PRKCE: variants seen among roughly 807,000 people sequenced by gnomAD.
PRKCE encodes the protein protein kinase C epsilon, also known as protein kinase C epsilon type.
A neutral mutation model predicts 85.4 loss-of-function variants in PRKCE; 16 were observed. That is an observed-to-expected ratio of 0.19 (90% CI 0.13 to 0.28). PRKCE has a LOEUF of 0.28. Ranked by LOEUF, PRKCE falls within the 10% of genes least tolerant of loss-of-function variation. The pLI is 1.00. For synonymous variants in PRKCE, 388 were observed against 371.5 expected (o/e 1.04, Z -0.51); for missense variants, 573 against 975.2 (o/e 0.59, Z 5.49).
intron 6 of PRKCE, among the ~76,000 whole-genome samples, chr2:45,995,961 A>G (rs1453038025): frequency 6.6e-6 from 1 of 152,232 alleles, no homozygotes; most frequent in African/African-American, 2.4e-5. Flanking sequence ...TTGGAAAGAC[A>G]TCTTGACAAA....
chr2:45,757,632 C>T (rs111702237), intron 1 of PRKCE, among the ~76,000 whole-genome samples: 327 of 152,268 alleles, frequency 2.1e-3, no homozygotes, highest in African/African-American at 7.5e-3. Flanking sequence ...CAACACTGCA[C>T]TCCAGCCTGG....
intron 1 of PRKCE, among the ~76,000 whole-genome samples, chr2:45,815,333 G>A (rs1053982072): frequency 6.6e-6 from 1 of 152,216 alleles, no homozygotes; most frequent in South Asian, 2.1e-4. Flanking sequence ...AGCTGCAAGT[G>A]TAGCAGGCAG....
intron 2 of PRKCE, chr2:45,851,699 C>T (rs1426090861): frequency 6.6e-6 from 1 of 152,146 alleles, no homozygotes; most frequent in Non-Finnish European, 1.5e-5. Flanking sequence ...GTGACTTGCC[C>T]ATGGCCAGAG....
chr2:45,761,651 TCTCCCTCTCC>T (rs1684512013), intron 1 of PRKCE, among the ~76,000 whole-genome samples: 1 of 152,144 alleles, frequency 6.6e-6, no homozygotes, highest in African/African-American at 2.4e-5. Flanking sequence ...GGCCTGGGTC[TCTCCCTCTCC>T]CCTCTCGCAC....
At chr2:45,898,812 T>C (rs1417997864) in intron 2 of PRKCE, among the ~76,000 whole-genome samples, 1 of 152,200 alleles carries the variant, frequency 6.6e-6, no homozygotes, top group African/African-American at 2.4e-5. Context: ...CTGCCTTGGC[T>C]GAACTCGCAT....
At position 45,720,933 on chromosome 2, in the gene PRKCE, C is replaced by T. The variant is rs182613724; in HGVS notation, c.348+68485C>T. 1.8e-3 allele frequency among the ~76,000 whole-genome samples: 268 copies of T among 152,130 alleles called. 2 individuals are homozygous for T. Among genetic ancestry groups the T allele is most frequent in the African/African-American group, 6.3e-3 (263 of 41,510 alleles). On this transcript the variant is annotated intron_variant, in intron 1 of 14. Coordinates refer to ENST00000306156, the MANE Select transcript of PRKCE (RefSeq NM_005400.3). ...ACCAGCCTGGCCAATATGGTGAAAC[C>T]CTGTCTCTACTAAAAGTACAAAAAT...
At chr2:45,929,999 T>C (rs1445410684) in intron 2 of PRKCE, among the ~76,000 whole-genome samples, 1 of 152,232 alleles carries the variant, frequency 6.6e-6, no homozygotes, top group Non-Finnish European at 1.5e-5. Context: ...AATCATTCAA[T>C]GAATCAATGA....
chr2:46,119,198 G>C (rs1342631659), intron 11 of PRKCE, among the ~76,000 whole-genome samples: 3 of 151,998 alleles, frequency 2.0e-5, no homozygotes, highest in Admixed American at 2.0e-4. Flanking sequence ...AAAACAACCA[G>C]CTTGATATAA....
intron 14 of PRKCE, among the ~76,000 whole-genome samples, chr2:46,161,537 A>C (rs1677759533): frequency 1.3e-5 from 2 of 152,008 alleles, no homozygotes; most frequent in Admixed American, 6.6e-5. Flanking sequence ...ACCAGGCCCC[A>C]GCTGTACTGG....
intron 10 of PRKCE, among the ~76,000 whole-genome samples, chr2:46,065,830 C>T (rs989205026): frequency 2.0e-5 from 3 of 148,284 alleles, no homozygotes; most frequent in South Asian, 2.1e-4. Context: ...TGTTTGCAAA[C>T]GTTTAAAAAA....
chr2:45,678,682 A>G (rs1324938231), intron 1 of PRKCE, among the ~76,000 whole-genome samples: 1 of 148,628 alleles, frequency 6.7e-6, no homozygotes, highest in Admixed American at 6.6e-5. Context: ...TTTATCATGT[A>G]ATTATCTGGA....
At chr2:45,994,826 G>T (rs938870252) in intron 6 of PRKCE, among the ~76,000 whole-genome samples, 2 of 152,184 alleles carry the variant, frequency 1.3e-5, no homozygotes, top group Non-Finnish European at 2.9e-5. Context: ...TGGATCTTAT[G>T]GTAATGGTAT....
At chr2:46,158,811 C>G (rs754260124) in intron 13 of PRKCE, among the ~76,000 whole-genome samples, 7 of 152,026 alleles carry the variant, frequency 4.6e-5, no homozygotes, top group Non-Finnish European at 8.8e-5. Flanking sequence ...TTTTTTTCCC[C>G]AAGGTTTTAT....
Position 45,837,004 on chromosome 2 carries a change from G to T in PRKCE, c.349-5996G>T, listed in dbSNP as rs186019752. ...GTTTGCTTAGACATCTCAGGCAAAA[G>T]TTGAACCTATGGTTAGGAAGCTTGA... On this transcript the variant is annotated intron_variant, in intron 1 of 14. Coordinates refer to ENST00000306156, the MANE Select transcript of PRKCE (RefSeq NM_005400.3). Among the ~76,000 whole-genome samples, 52 of 152,348 alleles carry T rather than the reference G, an allele frequency of 3.4e-4. No homozygotes were observed. In the East Asian group the frequency reaches 7.7e-3, roughly 23 times the overall value.
intron 11 of PRKCE, among the ~76,000 whole-genome samples, chr2:46,117,593 C>T (rs372255774): frequency 7.9e-5 from 12 of 152,276 alleles, no homozygotes; most frequent in Non-Finnish European, 1.5e-4. Context: ...TCAGACACTC[C>T]TGGGATGGGA....
At position 45,746,090 on chromosome 2, in the gene PRKCE, C is replaced by T. The variant is rs544256560; in HGVS notation, c.348+93642C>T. On this transcript the variant is annotated intron_variant, in intron 1 of 14. Coordinates refer to ENST00000306156, the MANE Select transcript of PRKCE (RefSeq NM_005400.3). ...ATCCTAAGTATCTGTCTCTGCTTTC[C>T]GAGATGTTCCTTCCCCTCCTTTTCC... 2.6e-5 allele frequency among the ~76,000 whole-genome samples: 4 copies of T among 152,268 alleles called. No homozygotes were observed. In the South Asian group the frequency reaches 6.2e-4, roughly 24 times the overall value.
chr2:45,805,958 C>G (rs1688211420), intron 1 of PRKCE, among the ~76,000 whole-genome samples: 1 of 152,224 alleles, frequency 6.6e-6, no homozygotes, highest in Non-Finnish European at 1.5e-5. Flanking sequence ...AAATGACCTT[C>G]AGAGAGGTCA....
At chr2:46,122,412 G>A (rs1673400926) in intron 11 of PRKCE, among the ~76,000 whole-genome samples, 1 of 152,006 alleles carries the variant, frequency 6.6e-6, no homozygotes, top group South Asian at 2.1e-4. Flanking sequence ...TGTATTTTTA[G>A]TAGACGGGGT....
At chr2:46,123,215 T>G (rs1268017495) in intron 11 of PRKCE, among the ~76,000 whole-genome samples, 1 of 28,104 alleles carries the variant, frequency 3.6e-5, no homozygotes, top group Non-Finnish European at 6.5e-5. Context: ...AACACTTGCC[T>G]TTTTTTTTTT....
Sources: allele counts gnomAD v4.1 joint callset (sites outside exome capture counted in the v4.1 genomes callset), GRCh38; gene constraint gnomAD v4.1.1; transcripts MANE v1.5; gene names NCBI Gene and HGNC (gene_info 2026-07-23, HGNC 2026-07-21).